Variants in NKIRAS1 observed in about 807,000 individuals in gnomAD.
NKIRAS1 encodes the protein NF-kappa-B inhibitor-interacting Ras-like protein 1.
A neutral mutation model predicts 19.8 loss-of-function variants in NKIRAS1; 16 were observed. That is an observed-to-expected ratio of 0.81 (90% CI 0.55 to 1.23). NKIRAS1 has a LOEUF of 1.23. Ranked by LOEUF, NKIRAS1 falls within the 50% of genes most tolerant of loss-of-function variation. The probability of loss-of-function intolerance (pLI) is 0.00; values close to 1 mark genes in which losing one functional copy is unlikely to be tolerated. For missense variants in NKIRAS1, 184 were observed against 220.0 expected (o/e 0.84, Z 1.04); for synonymous variants, 88 against 79.0 (o/e 1.11, Z -0.61).
chr3:23,925,263 G>A (rs1186410181), intron 1 of NKIRAS1, among the ~76,000 whole-genome samples: 6 of 152,220 alleles, frequency 3.9e-5, no homozygotes, highest in Non-Finnish European at 8.8e-5. Context: ...GCAGGAACCA[G>A]CGCAGTCCAC....
At chr3:23,894,094 AATGT>A (rs1241796497) in intron 4 of NKIRAS1, among the ~76,000 whole-genome samples, 2 of 152,202 alleles carry the variant, frequency 1.3e-5, no homozygotes, top group East Asian at 3.8e-4. Flanking sequence ...GTGTCTGTTA[AATGT>A]ATGGGCCAAA....
At chr3:23,918,888 C>T (rs1704886109), upstream of NKIRAS1, 1 of 514,836 alleles carries the variant, frequency 1.9e-6, no homozygotes, top group African/African-American at 1.9e-5. Context: ...GCTGAGCTCT[C>T]AGTTGTATGG....
chr3:23,940,734 T>A (rs1705478856), intron 1 of NKIRAS1, among the ~76,000 whole-genome samples: 1 of 152,124 alleles, frequency 6.6e-6, no homozygotes, highest in Non-Finnish European at 1.5e-5. Context: ...AGACAAAGTT[T>A]TAAATTTAAA....
chr3:23,918,646 T>G (rs1704855623), upstream of NKIRAS1: 2 of 1,545,552 alleles, frequency 1.3e-6, no homozygotes, highest in African/African-American at 1.4e-5. Flanking sequence ...ATTAAGCAAC[T>G]TTTCTGATTG....
chr3:23,929,895 G>A (rs926388791), intron 1 of NKIRAS1, among the ~76,000 whole-genome samples: 2 of 151,944 alleles, frequency 1.3e-5, no homozygotes, highest in African/African-American at 4.8e-5. Context: ...AGAGAACCAT[G>A]TTATCATTTT....
At chr3:23,910,560 T>C (rs1703596968) in intron 3 of NKIRAS1, among the ~76,000 whole-genome samples, 4 of 152,244 alleles carry the variant, frequency 2.6e-5, no homozygotes, top group Admixed American at 2.6e-4. Flanking sequence ...CAAAGGAATA[T>C]ATATCCATAT....
intron 4 of NKIRAS1, among the ~76,000 whole-genome samples, chr3:23,899,480 C>T (rs571300128): frequency 1.3e-5 from 2 of 151,960 alleles, no homozygotes; most frequent in Admixed American, 1.3e-4. Context: ...TGTTTTTTTT[C>T]TACCATCTAG....
At chr3:23,909,248 G>A (rs192166478) in intron 3 of NKIRAS1, among the ~76,000 whole-genome samples, 9 of 152,302 alleles carry the variant, frequency 5.9e-5, no homozygotes, top group Admixed American at 2.0e-4. Flanking sequence ...TGGGCCAGGC[G>A]CAGTGGCTCA....
chr3:23,939,802 T>A (rs562593119), intron 1 of NKIRAS1, among the ~76,000 whole-genome samples: 42 of 152,124 alleles, frequency 2.8e-4, no homozygotes, highest in African/African-American at 1.0e-3. Context: ...TTGATATCAA[T>A]CAAAGAGATA....
intron 4 of NKIRAS1, among the ~76,000 whole-genome samples, chr3:23,899,431 T>G (rs1329492017): frequency 6.6e-6 from 1 of 152,252 alleles, no homozygotes; most frequent in Non-Finnish European, 1.5e-5. Context: ...TAAGAACATC[T>G]AGCCAGTACT....
rs973668466 is a variant in NKIRAS1, at chr3:23,890,336, T to G, written c.*2759A>C. Among the ~76,000 whole-genome samples, 5 of 152,200 alleles carry G rather than the reference T, an allele frequency of 3.3e-5. No individual in the cohort carries two copies. The highest frequency in any genetic ancestry group is 4.8e-5 in the African/African-American group (2 of 41,448). ...TAAGCATTCCCTCTTCCCCCAACGT[T>G]ATGTTTTTTTGAAATTTTGATGGAA... On this transcript the variant is annotated 3_prime_UTR_variant, in exon 5 of 5. Transcript: ENST00000425478.
Position 23,943,886 on chromosome 3 carries a change from C to T in NKIRAS1, c.-140+2437G>A, listed in dbSNP as rs1482282337. Among the ~76,000 whole-genome samples, 4 of 152,184 alleles carry T rather than the reference C, an allele frequency of 2.6e-5. No individual in the cohort carries two copies. In the East Asian group the frequency reaches 5.8e-4, roughly 22 times the overall value. On this transcript the variant is annotated intron_variant, in intron 1 of 4. Coordinates refer to the NKIRAS1 transcript ENST00000421515. ...CAGGGCGAAGCAGGTCAGGTTAAGT[C>T]GTTGAATTTTTTCAAAGTGTAACAC...
At chr3:23,920,912 T>C (rs1202191147), upstream of NKIRAS1, 1 of 316,258 alleles carries the variant, frequency 3.2e-6, no homozygotes, top group African/African-American at 2.2e-5. Context: ...CCAAATGCCC[T>C]AACCAGCAAA....
intron 3 of NKIRAS1, among the ~76,000 whole-genome samples, chr3:23,902,425 C>T (rs530325554): frequency 1.3e-5 from 2 of 152,240 alleles, no homozygotes; most frequent in Admixed American, 1.3e-4. Context: ...ATTCATAAAT[C>T]TGATTATGTA....
intron 4 of NKIRAS1, among the ~76,000 whole-genome samples, chr3:23,899,513 T>C (rs1206378458): frequency 6.6e-6 from 1 of 152,252 alleles, no homozygotes; most frequent in African/African-American, 2.4e-5. Flanking sequence ...ATCAGTATAT[T>C]ATCTGGTTTC....
rs72627077 is a variant in NKIRAS1 at position 23,906,733 on chromosome 3, T to C, written c.94+4078A>G. On this transcript the variant is annotated intron_variant, in intron 3 of 4. Coordinates refer to ENST00000425478, the MANE Select transcript of NKIRAS1 (RefSeq NM_020345.4). The stretch of plus-strand genomic sequence containing the variant: ...GTGAGATGGCATCACTATACTCCAG[T>C]CTGGGAGACACAGATTTTATTTTAT... 5.9e-3 allele frequency among the ~76,000 whole-genome samples: 899 copies of C among 151,876 alleles called. 15 individuals carry two copies. The highest frequency in any genetic ancestry group is 0.049 in the East Asian group (253 of 5,170).
intron 1 of NKIRAS1, among the ~76,000 whole-genome samples, chr3:23,945,833 C>T (rs1045371185): frequency 1.7e-4 from 26 of 150,886 alleles, no homozygotes; most frequent in Admixed American, 1.1e-3. Flanking sequence ...CGGCCCCCCC[C>T]TCACATGGCC....
intron 1 of NKIRAS1, among the ~76,000 whole-genome samples, chr3:23,942,769 G>C (rs1164573514): frequency 6.6e-6 from 1 of 151,170 alleles, no homozygotes; most frequent in Non-Finnish European, 1.5e-5. Context: ...TTTTCGAGAC[G>C]GGATCTCCTT....
chr3:23,943,358 G>C (rs2125272889), intron 1 of NKIRAS1, among the ~76,000 whole-genome samples: 1 of 152,226 alleles, frequency 6.6e-6, no homozygotes, highest in South Asian at 2.1e-4. Context: ...TCAGCCTCCC[G>C]AGTAGCTGGG....
Sources: gnomAD v4.1 joint callset for allele counts (sites outside exome capture counted in the v4.1 genomes callset) on GRCh38, gnomAD v4.1.1 for gene constraint, MANE v1.5 for transcripts, NCBI Gene and HGNC (gene_info 2026-07-23, HGNC 2026-07-21) for gene names.